USP40: variants seen among roughly 807,000 people sequenced by gnomAD.
USP40 encodes ubiquitin specific peptidase 40.
Under a neutral mutation model 166.2 loss-of-function variants are expected in USP40, and 143 were observed. That is an observed-to-expected ratio of 0.86 (90% CI 0.75 to 0.99). The LOEUF (loss-of-function observed/expected upper bound fraction) is 0.99, where lower values mean the gene tolerates loss of function less well. Ranked by LOEUF, USP40 falls within the 50% of genes least tolerant of loss-of-function variation. The pLI is 0.00. For synonymous variants in USP40, 498 were observed against 524.0 expected (o/e 0.95, Z 0.68); for missense variants, 1,444 against 1,479.7 (o/e 0.98, Z 0.40).
chr2:233,491,120 GA>G (rs1459707296), intron 26 of USP40, 46 bp downstream of exon 26: 1 of 1,285,002 alleles, frequency 7.8e-7, no homozygotes, highest in Admixed American at 1.9e-5. Flanking sequence ...TATCTCACTG[GA>G]AGAAGCCACA....
At chr2:233,487,882 T>A (rs2065046462) in intron 28 of USP40, 1 of 511,650 alleles carries the variant, frequency 2.0e-6, no homozygotes. Context: ...GAAAGTAGAA[T>A]AAGGGGGCAG....
chr2:233,564,067 G>T (rs1297044064), intron 2 of USP40, among the ~76,000 whole-genome samples: 2 of 152,134 alleles, frequency 1.3e-5, no homozygotes, highest in Non-Finnish European at 2.9e-5. Context: ...ATTGCATCAG[G>T]GAGATATTTT....
At chr2:233,565,657 CTGT>C in intron 1 of USP40, 84 bp from the exon 2 acceptor site, 1 of 1,187,730 alleles carries the variant, frequency 8.4e-7, no homozygotes, top group Non-Finnish European at 1.2e-6. Context: ...GGAGTCGATT[CTGT>C]TGTTTCTTAG....
chr2:233,509,409 C>T (rs1436379464), intron 21 of USP40, among the ~76,000 whole-genome samples: 4 of 151,828 alleles, frequency 2.6e-5, no homozygotes, highest in Non-Finnish European at 4.4e-5. Context: ...AAAAAATATG[C>T]CAAAATGTTA....
intron 8 of USP40, among the ~76,000 whole-genome samples, chr2:233,542,975 C>G (rs2069563073): frequency 6.6e-6 from 1 of 152,164 alleles, no homozygotes; most frequent in Non-Finnish European, 1.5e-5. Flanking sequence ...ATTTTCTGGT[C>G]TTCATCCCGT....
At position 233,489,345 on chromosome 2, in the gene USP40, G is replaced by T. The variant is rs1374994745; in HGVS notation, c.3131+20C>A. The T allele has an allele frequency of 1.3e-6, 2 of 1,559,484 alleles. No individual in the cohort carries two copies. The highest frequency in any genetic ancestry group is 1.4e-5 in the African/African-American group (1 of 73,578). On this transcript the variant is annotated intron_variant, in intron 27 of 31. Transcript: ENST00000678225. ...GTCAGCAGCAGAGAGGGACAGTGTT[G>T]CGTCCAGCAAGGAACCTACCTGAGT...
chr2:233,525,865 G>T (rs2067987475), intron 13 of USP40, among the ~76,000 whole-genome samples: 1 of 152,180 alleles, frequency 6.6e-6, no homozygotes, highest in Non-Finnish European at 1.5e-5. Context: ...AAAGCAAGTT[G>T]ATGAGCATGT....
chr2:233,503,550 T>C (rs1192391219), intron 21 of USP40, among the ~76,000 whole-genome samples: 4 of 152,080 alleles, frequency 2.6e-5, no homozygotes, highest in Admixed American at 1.3e-4. Flanking sequence ...AAGTCACATA[T>C]AAGGAAATCC....
At chr2:233,506,884 C>G (rs1241574636) in intron 21 of USP40, among the ~76,000 whole-genome samples, 1 of 151,542 alleles carries the variant, frequency 6.6e-6, no homozygotes, top group East Asian at 1.9e-4. Flanking sequence ...GCATGCCAGC[C>G]TGGGTGACAG....
chr2:233,517,379 G>GTTTTTTT (rs202226925), intron 18 of USP40, among the ~76,000 whole-genome samples: 2,885 of 136,482 alleles, frequency 0.021, 139 homozygotes, highest in African/African-American at 0.025. Context: ...CACATGCATG[G>GTTTTTTT]TTTTTTGTTT....
In USP40 at chr2:233,477,466, A is replaced by G. The variant is rs577133067; in HGVS notation, c.3637T>C (p.Ser1213Pro). ...GGCCGGGCAGGCGTCTCTGCACTGG[A>G]GAGGATGTAGCTGCTCTGCTCATGG... Reference protein sequence around the residue: ...ALHEQSSYILSSAETPARPRA... With the variant: ...ALHEQSSYILPSAETPARPRA... Residue 1213 changes from serine to proline, a missense_variant, in exon 32 of 32, where the codon TCC becomes CCC. Coordinates refer to ENST00000678225, the MANE Select transcript of USP40 (RefSeq NM_001365479.2). The G allele has an allele frequency of 2.5e-6, 4 of 1,613,732 alleles. No homozygotes were observed. The highest frequency in any genetic ancestry group is 1.3e-5 in the African/African-American group (1 of 75,054).
intron 18 of USP40, among the ~76,000 whole-genome samples, chr2:233,518,635 C>G (rs969114547): frequency 6.6e-6 from 1 of 150,764 alleles, no homozygotes. Flanking sequence ...GAAACTGCAA[C>G]CCTGACACAC....
At chr2:233,529,814 C>CTTTTTCTTTTTT (rs776660309) in intron 11 of USP40, among the ~76,000 whole-genome samples, 4 of 133,950 alleles carry the variant, frequency 3.0e-5, no homozygotes, top group African/African-American at 5.8e-5. Context: ...TTTTCTTTTT[C>CTTTTTCTTTTTT]TTTTTTTTTT....
intron 17 of USP40, among the ~76,000 whole-genome samples, chr2:233,520,195 G>A (rs973013131): frequency 1.3e-5 from 2 of 151,908 alleles, no homozygotes; most frequent in African/African-American, 4.8e-5. Flanking sequence ...ACAAAATCTT[G>A]TAAATTTAGG....
intron 18 of USP40, among the ~76,000 whole-genome samples, chr2:233,517,320 T>C (rs540773373): frequency 6.6e-6 from 1 of 151,690 alleles, no homozygotes; most frequent in South Asian, 2.1e-4. Flanking sequence ...ATCCCACTAC[T>C]GGGTATCTAC....
At chr2:233,533,434 T>C (rs1229804408) in intron 11 of USP40, 45 bp downstream of exon 11, 3 of 1,556,418 alleles carry the variant, frequency 1.9e-6, no homozygotes, top group African/African-American at 2.7e-5. Flanking sequence ...GTTTATCTTC[T>C]AAAGCCATTA....
At chr2:233,510,243 C>CA (rs955495399) in intron 20 of USP40, 108 bp from the exon 21 acceptor site, 17 of 727,586 alleles carry the variant, frequency 2.3e-5, no homozygotes, top group East Asian at 3.1e-5. Flanking sequence ...GAAACTTTAA[C>CA]AAAAAATCTC....
chr2:233,494,181 G>C (rs1233689277), intron 24 of USP40, among the ~76,000 whole-genome samples: 1 of 152,088 alleles, frequency 6.6e-6, no homozygotes, highest in African/African-American at 2.4e-5. Flanking sequence ...ATGTGCATTA[G>C]AATATTTTTC....
At chr2:233,554,357 A>G in intron 6 of USP40, 23 bp downstream of exon 6, 1 of 1,581,296 alleles carries the variant, frequency 6.3e-7, no homozygotes, top group Non-Finnish European at 8.6e-7. Flanking sequence ...GGACCCTGGG[A>G]AAAAGCAGTT....
Sources: gnomAD v4.1 joint callset for allele counts (sites outside exome capture counted in the v4.1 genomes callset) on GRCh38, gnomAD v4.1.1 for gene constraint, MANE v1.5 for transcripts, NCBI Gene and HGNC (gene_info 2026-07-23, HGNC 2026-07-21) for gene names.